Variants in ADGB observed in about 807,000 individuals in gnomAD.
ADGB encodes androglobin.
ADGB carries 172 observed loss-of-function variants against 210.5 expected under a neutral mutation model. The ratio of observed to expected loss-of-function variants is 0.82; its 90% CI spans 0.72 to 0.93. The LOEUF (loss-of-function observed/expected upper bound fraction) is 0.93, where lower values mean the gene tolerates loss of function less well. Among genes scored for constraint, ADGB ranks in the 40% least tolerant of loss-of-function variants. The probability of loss-of-function intolerance (pLI) is 0.00; values close to 1 mark genes in which losing one functional copy is unlikely to be tolerated. For synonymous variants in ADGB, 658 were observed against 662.7 expected, an observed-to-expected ratio of 0.99 and a Z score of 0.11; for missense variants, 2,025 against 1,964.8, an observed-to-expected ratio of 1.03 and a Z score of -0.58.
At chr6:146,809,922 CAGA>C (rs1412893678) in intron 35 of ADGB, among the ~76,000 whole-genome samples, 1 of 151,782 alleles carries the variant, frequency 6.6e-6, no homozygotes, top group Non-Finnish European at 1.5e-5. Context: ...GAGATGACAC[CAGA>C]AGCACAGGCA....
At chr6:146,623,097 G>A (rs1324865064) in intron 1 of ADGB, among the ~76,000 whole-genome samples, 1 of 151,856 alleles carries the variant, frequency 6.6e-6, no homozygotes, top group Non-Finnish European at 1.5e-5. Flanking sequence ...GTGTTAATAT[G>A]AGACTTGAAC....
intron 35 of ADGB, chr6:146,807,561 A>G (rs1390933826): frequency 6.5e-7 from 1 of 1,536,154 alleles, no homozygotes; most frequent in Non-Finnish European, 8.7e-7. Context: ...TGACACACAG[A>G]AAAAAAAGAA....
intron 1 of ADGB, among the ~76,000 whole-genome samples, chr6:146,626,211 C>G (rs183627260): frequency 1.3e-5 from 2 of 152,066 alleles, no homozygotes; most frequent in Admixed American, 1.3e-4. Flanking sequence ...ACTCCAAGCA[C>G]TATGCTATTA....
intron 33 of ADGB, among the ~76,000 whole-genome samples, chr6:146,798,108 C>A (rs1344662065): frequency 6.6e-6 from 1 of 152,074 alleles, no homozygotes; most frequent in South Asian, 2.1e-4. Context: ...TCACAATAAA[C>A]AAGCACTTGT....
intron 26 of ADGB, among the ~76,000 whole-genome samples, chr6:146,746,786 T>C: frequency 6.6e-6 from 1 of 152,176 alleles, no homozygotes; most frequent in East Asian, 1.9e-4. Flanking sequence ...ACATAGCATG[T>C]TATTTAGCAT....
At chr6:146,802,995 C>A in intron 35 of ADGB, 2 of 1,608,732 alleles carry the variant, frequency 1.2e-6, no homozygotes, top group South Asian at 2.2e-5. Context: ...CCAGTTTAAA[C>A]CAACTATAAC....
chr6:146,806,990 T>G (rs892226084), intron 35 of ADGB, among the ~76,000 whole-genome samples: 8 of 152,188 alleles, frequency 5.3e-5, no homozygotes, highest in African/African-American at 1.7e-4. Flanking sequence ...TATTTGGAGC[T>G]TCATCATCAA....
chr6:146,615,713 T>C (rs919183297), intron 1 of ADGB, among the ~76,000 whole-genome samples: 4 of 152,206 alleles, frequency 2.6e-5, no homozygotes, highest in African/African-American at 9.7e-5. Context: ...CGTGACTTGT[T>C]TCACTTTATA....
chr6:146,713,433 C>T lies in ADGB; in HGVS notation c.1708-1949C>T, dbSNP rs539946546. Reference sequence around the variant, plus strand: ...TATGTGTATTGTTTATGGTAGCCACCCTAATGGGCATGAAATGGTGTCTCA... The same window carrying T: ...TATGTGTATTGTTTATGGTAGCCACTCTAATGGGCATGAAATGGTGTCTCA... On this transcript the variant is annotated intron_variant, in intron 13 of 35. Coordinates refer to ENST00000397944, the MANE Select transcript of ADGB (RefSeq NM_024694.4). 1.5e-3 allele frequency among the ~76,000 whole-genome samples: 222 copies of T among 152,240 alleles called. 3 individuals carry two copies. The highest frequency in any genetic ancestry group is 5.1e-3 in the African/African-American group (214 of 41,556).
intron 6 of ADGB, 78 bp from the exon 7 acceptor site, chr6:146,666,738 T>C: frequency 1.2e-6 from 1 of 844,640 alleles, no homozygotes; most frequent in Non-Finnish European, 1.9e-6. Context: ...TGCTGTTTAT[T>C]AATGATTCCT....
At chr6:146,634,781 T>C (rs766217490) in intron 1 of ADGB, among the ~76,000 whole-genome samples, 16 of 152,006 alleles carry the variant, frequency 1.1e-4, no homozygotes, top group Non-Finnish European at 1.9e-4. Flanking sequence ...GTCTTGTTTA[T>C]GAAAGTGAAA....
At chr6:146,764,163 C>A in intron 28 of ADGB, 63 bp downstream of exon 28, 1 of 1,376,706 alleles carries the variant, frequency 7.3e-7, no homozygotes, top group Non-Finnish European at 9.8e-7. Context: ...ACAAAACAAT[C>A]ATTTCCCTAA....
chr6:146,701,941 C>T (rs1361197685), intron 13 of ADGB, among the ~76,000 whole-genome samples: 1 of 151,712 alleles, frequency 6.6e-6, no homozygotes, highest in Non-Finnish European at 1.5e-5. Flanking sequence ...AAGATATTTG[C>T]AACAACTATA....
chr6:146,732,650 TTAAA>T (rs954667063), intron 20 of ADGB, among the ~76,000 whole-genome samples: 8 of 152,290 alleles, frequency 5.3e-5, no homozygotes, highest in Admixed American at 2.6e-4. Context: ...AAAGCTTTGT[TTAAA>T]TAAGTCTAAA....
intron 1 of ADGB, among the ~76,000 whole-genome samples, chr6:146,616,310 A>T (rs1287928916): frequency 1.4e-5 from 2 of 146,890 alleles, no homozygotes; most frequent in Non-Finnish European, 3.0e-5. Context: ...TTTTCTATAT[A>T]TTCTAGTTAT....
intron 1 of ADGB, among the ~76,000 whole-genome samples, chr6:146,614,054 G>T (rs1479506876): frequency 2.0e-5 from 3 of 151,974 alleles, no homozygotes; most frequent in African/African-American, 7.3e-5. Flanking sequence ...GTAATCAACA[G>T]TATAATAGAG....
At chr6:146,786,147 TTATA>T (rs1432169966) in intron 32 of ADGB, among the ~76,000 whole-genome samples, 2 of 97,776 alleles carry the variant, frequency 2.0e-5, no homozygotes, top group South Asian at 3.2e-4. Flanking sequence ...ATTATATTAT[TTATA>T]TATATTTAAG....
intron 22 of ADGB, 43 bp from the exon 23 acceptor site, chr6:146,736,455 C>T (rs1188499024): frequency 8.2e-7 from 1 of 1,222,798 alleles, no homozygotes; most frequent in Non-Finnish European, 1.1e-6. Flanking sequence ...ATCTTTCAGG[C>T]ATCTTAAAGC....
At chr6:146,753,161 G>A (rs1319113700) in intron 27 of ADGB, among the ~76,000 whole-genome samples, 1 of 151,910 alleles carries the variant, frequency 6.6e-6, no homozygotes, top group Non-Finnish European at 1.5e-5. Context: ...GGTGTATTAC[G>A]TAGTTATGTT....
Sources: gnomAD v4.1 joint callset for allele counts (sites outside exome capture counted in the v4.1 genomes callset) on GRCh38, gnomAD v4.1.1 for gene constraint, MANE v1.5 for transcripts, NCBI Gene and HGNC (gene_info 2026-07-23, HGNC 2026-07-21) for gene names.